Variants in NBEA observed in about 807,000 individuals in gnomAD.
NBEA encodes the protein lysosomal-trafficking regulator 2.
NBEA carries 44 observed loss-of-function variants against 343.4 expected under a neutral mutation model. That is an observed-to-expected ratio of 0.13 (90% confidence interval 0.10 to 0.16). The LOEUF (loss-of-function observed/expected upper bound fraction) is 0.16, where lower values mean the gene tolerates loss of function less well. Ranked by LOEUF, NBEA falls within the 10% of genes least tolerant of loss-of-function variation. The pLI, the probability that NBEA is intolerant of heterozygous loss-of-function variation, is 1.00. For synonymous variants in NBEA, 1,175 were observed against 1,238.7 expected (o/e 0.95, Z 1.08); for missense variants, 2,555 against 3,631.3 (o/e 0.70, Z 7.62).
chr13:35,325,595 A>G (rs1341158061), intron 36 of NBEA, among the ~76,000 whole-genome samples: 1 of 152,080 alleles, frequency 6.6e-6, no homozygotes, highest in African/African-American at 2.4e-5. Context: ...CATAGGTGCA[A>G]TAATTTTTAA....
At chr13:35,155,981 A>T in intron 19 of NBEA, 102 bp from the exon 20 acceptor site, 1 of 1,475,114 alleles carries the variant, frequency 6.8e-7, no homozygotes, top group African/African-American at 1.4e-5. Context: ...GTTTTAACTC[A>T]CCTTTTATAG....
chr13:35,390,593 G>A lies in NBEA; in HGVS notation c.6179+38270G>A, dbSNP rs142072649. Among the ~76,000 whole-genome samples the A allele has an allele frequency of 3.7e-3, 559 of 152,252 alleles. 7 individuals carry two copies. The highest frequency in any genetic ancestry group is 0.013 in the African/African-American group (526 of 41,564). On this transcript the variant is annotated intron_variant, in intron 38 of 58. Transcript: ENST00000379939. ...CAAGTTCATCCAAACAGATTCTTGTGAAGTGGGGGACTGGAATGGGGAAAC... is the reference window on the plus strand; with the variant it reads ...CAAGTTCATCCAAACAGATTCTTGTAAAGTGGGGGACTGGAATGGGGAAAC...
intron 34 of NBEA, among the ~76,000 whole-genome samples, chr13:35,284,009 C>CACAA (rs2152813514): frequency 7.0e-6 from 1 of 143,432 alleles, no homozygotes; most frequent in East Asian, 2.4e-4. Flanking sequence ...CACACACACA[C>CACAA]ACACACCACA....
rs114784033 is a variant in NBEA at position 35,648,509 on chromosome 13, A to G, written c.7771-1146A>G. Among the ~76,000 whole-genome samples the G allele has an allele frequency of 7.7e-3, 1,171 of 152,208 alleles. 16 individuals carry two copies. The highest frequency in any genetic ancestry group is 0.027 in the African/African-American group (1,124 of 41,534). On this transcript the variant is annotated intron_variant, in intron 51 of 58. Coordinates refer to ENST00000379939, the MANE Select transcript of NBEA (RefSeq NM_001385012.1). ...TTTAATAATAATAATAAAAATATTT[A>G]TCCTGGAGATATGCCCAGTCAGAAT... is the stretch of plus-strand genomic sequence containing the variant.
chr13:35,406,644 C>CATAAAAGACCTTTAAGAAATTGAACCAT (rs2043285013), intron 38 of NBEA, among the ~76,000 whole-genome samples: 1 of 152,120 alleles, frequency 6.6e-6, no homozygotes, highest in East Asian at 1.9e-4. Flanking sequence ...TAGGATCACA[C>CATAAAAGACCTTTAAGAAATTGAACCAT]CTGGTGACCT....
intron 28 of NBEA, chr13:35,179,670 C>T: frequency 3.8e-6 from 2 of 521,772 alleles, no homozygotes; most frequent in Non-Finnish European, 4.9e-6. Flanking sequence ...GGCATTCATT[C>T]ATTCATTCCA....
chr13:35,389,933 G>A (rs1312687747), intron 38 of NBEA, among the ~76,000 whole-genome samples: 2 of 144,530 alleles, frequency 1.4e-5, no homozygotes, highest in South Asian at 2.2e-4. Flanking sequence ...TATATAACCT[G>A]TCCTCTGGTC....
chr13:35,654,309 T>C lies in NBEA; in HGVS notation c.8036-546T>C, dbSNP rs117753185. ...TAGCCCTTTCTGGAAAGGCCTTCTG[T>C]CTGTTGACAATCCAGGCCTGTAAAG... On this transcript the variant is annotated intron_variant, in intron 53 of 58. Coordinates refer to ENST00000379939, the MANE Select transcript of NBEA (RefSeq NM_001385012.1). Among the ~76,000 whole-genome samples the C allele has an allele frequency of 2.2e-4, 33 of 152,302 alleles. No individual in the cohort carries two copies. In the East Asian group the frequency reaches 6.2e-3, roughly 28 times the overall value.
At chr13:35,165,927 T>A (rs568211882) in intron 24 of NBEA, among the ~76,000 whole-genome samples, 1 of 152,146 alleles carries the variant, frequency 6.6e-6, no homozygotes, top group South Asian at 2.1e-4. Context: ...TCAAATGATC[T>A]GCCTGTCTCA....
intron 40 of NBEA, among the ~76,000 whole-genome samples, chr13:35,454,003 T>A (rs1204176951): frequency 6.6e-6 from 1 of 152,142 alleles, no homozygotes; most frequent in Non-Finnish European, 1.5e-5. Flanking sequence ...TTTTAATGGA[T>A]TTGTCATTGA....
chr13:34,967,582 A>G (rs2059863397), intron 1 of NBEA, among the ~76,000 whole-genome samples: 1 of 152,058 alleles, frequency 6.6e-6, no homozygotes, highest in African/African-American at 2.4e-5. Context: ...GTAAATACAT[A>G]AATCGGTAGT....
intron 1 of NBEA, among the ~76,000 whole-genome samples, chr13:34,959,647 A>C (rs1362333121): frequency 6.6e-6 from 1 of 152,098 alleles, no homozygotes; most frequent in Non-Finnish European, 1.5e-5. Context: ...CATAAGTGTC[A>C]TAGGGAGTAT....
intron 17 of NBEA, among the ~76,000 whole-genome samples, chr13:35,131,348 T>A (rs766181156): frequency 6.6e-5 from 10 of 152,172 alleles, no homozygotes; most frequent in Admixed American, 1.3e-4. Flanking sequence ...GTTACTTTTT[T>A]AAAAGTATAC....
At chr13:35,121,652 T>C (rs1173424602) in intron 16 of NBEA, among the ~76,000 whole-genome samples, 4 of 152,092 alleles carry the variant, frequency 2.6e-5, no homozygotes, top group African/African-American at 9.7e-5. Context: ...ACTTTTCTCA[T>C]AGTTTATTCT....
intron 41 of NBEA, among the ~76,000 whole-genome samples, chr13:35,521,377 T>C (rs890398754): frequency 7.2e-5 from 11 of 152,174 alleles, no homozygotes; most frequent in African/African-American, 2.7e-4. Context: ...AGTATGAATA[T>C]TCAGGAATCA....
chr13:35,337,493 A>AAT (rs1347597238), intron 36 of NBEA, among the ~76,000 whole-genome samples: 3 of 152,130 alleles, frequency 2.0e-5, no homozygotes, highest in Non-Finnish European at 4.4e-5. Flanking sequence ...AGACCCCTAA[A>AAT]ATATATCAAG....
At position 35,478,187 on chromosome 13, in the gene NBEA, CA is replaced by C. The variant is rs1594766562; in HGVS notation, c.6585+5655del. 3.3e-5 allele frequency among the ~76,000 whole-genome samples: 5 copies of C among 152,258 alleles called. No homozygotes were observed. The East Asian group carries it at 7.7e-4, about 24-fold the overall frequency. ...TTTGTTTTGCACAGGCACAGCATCA[CA>C]AAACCACCTATTATTTAATTTCTCC... On this transcript the variant is annotated intron_variant, in intron 41 of 58. Transcript: ENST00000379939.
chr13:35,195,531 T>A (rs937626710), intron 30 of NBEA, among the ~76,000 whole-genome samples: 4 of 152,132 alleles, frequency 2.6e-5, no homozygotes, highest in African/African-American at 7.2e-5. Flanking sequence ...CCCGAGTAGC[T>A]GGGATTAGAC....
At chr13:35,461,174 A>G (rs1262007907) in intron 40 of NBEA, among the ~76,000 whole-genome samples, 1 of 152,220 alleles carries the variant, frequency 6.6e-6, no homozygotes, top group Non-Finnish European at 1.5e-5. Context: ...GGAGGGGACA[A>G]ACAAACATAT....
Sources: allele counts gnomAD v4.1 joint callset (sites outside exome capture counted in the v4.1 genomes callset), GRCh38; gene constraint gnomAD v4.1.1; transcripts MANE v1.5; gene names NCBI Gene and HGNC (gene_info 2026-07-23, HGNC 2026-07-21).